Variants in NEGR1 observed in about 807,000 individuals in gnomAD.
NEGR1 encodes IgLON family member 4.
In NEGR1, 10 loss-of-function variants were observed where a neutral mutation model predicts 40.9. That is an observed-to-expected ratio of 0.24 (90% CI 0.15 to 0.42). NEGR1 has a LOEUF of 0.42. Among genes scored for constraint, NEGR1 ranks in the 10% least tolerant of loss-of-function variants. The pLI is 1.00. For missense variants in NEGR1, 352 were observed against 438.9 expected, an observed-to-expected ratio of 0.80 and a Z score of 1.77; for synonymous variants, 185 against 166.8, an observed-to-expected ratio of 1.11 and a Z score of -0.84.
chr1:72,066,067 A>C (rs571994620), intron 1 of NEGR1, among the ~76,000 whole-genome samples: 14 of 152,164 alleles, frequency 9.2e-5, no homozygotes, highest in Non-Finnish European at 1.9e-4. Context: ...ATATAGAAAT[A>C]TAGACTCAAT....
At chr1:72,255,732 G>T (rs1655250070) in intron 1 of NEGR1, among the ~76,000 whole-genome samples, 1 of 151,884 alleles carries the variant, frequency 6.6e-6, no homozygotes, top group South Asian at 2.1e-4. Flanking sequence ...TTGTATTTTA[G>T]TAGAGACGGG....
At chr1:72,159,534 A>C (rs1402981223) in intron 1 of NEGR1, among the ~76,000 whole-genome samples, 3 of 152,146 alleles carry the variant, frequency 2.0e-5, no homozygotes, top group Admixed American at 6.6e-5. Context: ...TCACTAGCTA[A>C]CTTTAAATAT....
intron 1 of NEGR1, among the ~76,000 whole-genome samples, chr1:71,987,271 T>C (rs1425669079): frequency 2.0e-5 from 3 of 152,126 alleles, no homozygotes; most frequent in Non-Finnish European, 4.4e-5. Flanking sequence ...GAATAGCAAG[T>C]AGTGAAAGAA....
At position 72,266,478 on chromosome 1, in the gene NEGR1, G is replaced by A. The variant is rs572837059; in HGVS notation, c.176+15841C>T. The stretch of plus-strand genomic sequence containing the variant: ...GTTCAAGGCCTTAAGAGATACAAAG[G>A]CAATTAAGGTAACAGCACCAGGTCT... On this transcript the variant is annotated intron_variant, in intron 1 of 6. Transcript: ENST00000357731. 3.8e-4 allele frequency among the ~76,000 whole-genome samples: 58 copies of A among 150,702 alleles called. 1 individual carries two copies. The South Asian group carries it at 5.6e-3, about 15-fold the overall frequency.
At chr1:71,538,479 A>T (rs1647583266) in intron 6 of NEGR1, among the ~76,000 whole-genome samples, 1 of 151,698 alleles carries the variant, frequency 6.6e-6, no homozygotes, top group South Asian at 2.1e-4. Context: ...CCGTGGTTTC[A>T]TCTGAAAGCT....
intron 1 of NEGR1, among the ~76,000 whole-genome samples, chr1:72,226,018 T>C (rs1394707985): frequency 6.6e-6 from 1 of 151,802 alleles, no homozygotes; most frequent in Non-Finnish European, 1.5e-5. Context: ...AAGATGAAGT[T>C]CAGAAATAAA....
At chr1:72,084,764 C>T (rs926000536) in intron 1 of NEGR1, among the ~76,000 whole-genome samples, 3 of 152,032 alleles carry the variant, frequency 2.0e-5, no homozygotes, top group Non-Finnish European at 4.4e-5. Context: ...GAAATAACAC[C>T]TACCTTCAGA....
chr1:71,580,849 G>T (rs181461724), intron 6 of NEGR1, among the ~76,000 whole-genome samples: 8 of 152,206 alleles, frequency 5.3e-5, no homozygotes, highest in Admixed American at 2.0e-4. Context: ...GGTTACATGG[G>T]GAGAAATTGT....
chr1:71,534,883 T>TA (rs1378385613), intron 6 of NEGR1, among the ~76,000 whole-genome samples: 2 of 151,620 alleles, frequency 1.3e-5, no homozygotes, highest in African/African-American at 4.8e-5. Flanking sequence ...CCATTATTTA[T>TA]AAAAATTTAA....
At chr1:71,489,598 C>A (rs1477764810) in intron 6 of NEGR1, 1 of 151,898 alleles carries the variant, frequency 6.6e-6, no homozygotes, top group Non-Finnish European at 1.5e-5. Context: ...TAGATAGTAA[C>A]TAGTAGAGTC....
At chr1:72,200,290 G>A (rs1357548146) in intron 1 of NEGR1, among the ~76,000 whole-genome samples, 3 of 151,856 alleles carry the variant, frequency 2.0e-5, no homozygotes, top group Non-Finnish European at 4.4e-5. Flanking sequence ...CAGTGGGCTC[G>A]ATAAAGAAAA....
intron 1 of NEGR1, among the ~76,000 whole-genome samples, chr1:72,264,639 G>A (rs1375211878): frequency 2.7e-5 from 4 of 150,218 alleles, no homozygotes; most frequent in Non-Finnish European, 6.0e-5. Context: ...CATATATATG[G>A]AAACTAAATA....
intron 4 of NEGR1, among the ~76,000 whole-genome samples, chr1:71,657,354 G>A (rs1651911916): frequency 1.3e-5 from 2 of 152,014 alleles, no homozygotes; most frequent in African/African-American, 4.8e-5. Context: ...ACTTCTTTGG[G>A]GAATTAAATT....
chr1:71,780,926 A>G (rs1044028375), intron 2 of NEGR1, among the ~76,000 whole-genome samples: 6 of 152,194 alleles, frequency 3.9e-5, no homozygotes, highest in Admixed American at 3.9e-4. Context: ...TTTCAGTAAG[A>G]AAAATCTTAG....
intron 6 of NEGR1, among the ~76,000 whole-genome samples, chr1:71,425,539 A>G (rs898797167): frequency 2.6e-5 from 4 of 152,084 alleles, no homozygotes; most frequent in African/African-American, 9.7e-5. Flanking sequence ...ATCCGGGATT[A>G]CTCCAATTTC....
intron 1 of NEGR1, among the ~76,000 whole-genome samples, chr1:72,185,298 TGTTA>T (rs1652572513): frequency 6.6e-6 from 1 of 151,986 alleles, no homozygotes; most frequent in Non-Finnish European, 1.5e-5. Flanking sequence ...GCAGTCTTTC[TGTTA>T]GTTATATTTC....
At chr1:71,814,485 G>T (rs527272988) in intron 2 of NEGR1, among the ~76,000 whole-genome samples, 1 of 152,144 alleles carries the variant, frequency 6.6e-6, no homozygotes, top group East Asian at 1.9e-4. Context: ...CAGAAAAAAT[G>T]GTACCAGCTC....
chr1:71,565,253 C>T (rs1319671030), intron 6 of NEGR1, among the ~76,000 whole-genome samples: 1 of 152,064 alleles, frequency 6.6e-6, no homozygotes, highest in Non-Finnish European at 1.5e-5. Context: ...TAATCCTTGG[C>T]TTGGGGTTAC....
intron 4 of NEGR1, among the ~76,000 whole-genome samples, chr1:71,629,541 A>G (rs1650902887): frequency 6.6e-6 from 1 of 151,856 alleles, no homozygotes; most frequent in Non-Finnish European, 1.5e-5. Flanking sequence ...TTTGTCTATT[A>G]TTGGTGTATA....
Sources: allele counts gnomAD v4.1 joint callset (sites outside exome capture counted in the v4.1 genomes callset), GRCh38; gene constraint gnomAD v4.1.1; transcripts MANE v1.5; gene names NCBI Gene and HGNC (gene_info 2026-07-23, HGNC 2026-07-21).